The following PPP3CC variants were observed in gnomAD, a reference collection of about 807,000 sequenced individuals.
The protein encoded by PPP3CC is protein phosphatase 3 catalytic subunit gamma, also known as serine/threonine-protein phosphatase 2B catalytic subunit gamma isoform.
Under a neutral mutation model 60.3 loss-of-function variants are expected in PPP3CC, and 35 were observed. The observed-to-expected ratio is 0.58, with a 90% CI of 0.44 to 0.77. The LOEUF is 0.77. Among genes scored for constraint, PPP3CC ranks in the 30% least tolerant of loss-of-function variants. The pLI is 0.00. For missense variants in PPP3CC, 570 were observed against 628.9 expected (o/e 0.91, Z 1.00); for synonymous variants, 206 against 224.3 (o/e 0.92, Z 0.73).
intron 7 of PPP3CC, 21 bp downstream of exon 7, chr8:22,522,589 A>C (rs1839437306): frequency 3.1e-6 from 5 of 1,597,928 alleles, no homozygotes; most frequent in Admixed American, 1.7e-5. Flanking sequence ...TTAAAATTGT[A>C]CCAAATATCG....
rs554675855 is a variant in PPP3CC, at chr8:22,506,712, C to T, written c.485-4374C>T. On this transcript the variant is annotated intron_variant, in intron 4 of 13. Coordinates refer to ENST00000240139, the MANE Select transcript of PPP3CC (RefSeq NM_005605.5). ...ATCCCAGCACTTTGGGAGGCCGAGGCGGGCAGATCACAAGGCCAGGAGATT... is the reference window on the plus strand; with the variant it reads ...ATCCCAGCACTTTGGGAGGCCGAGGTGGGCAGATCACAAGGCCAGGAGATT... Among the ~76,000 whole-genome samples the T allele has an allele frequency of 7.0e-4, 105 of 150,046 alleles. 1 individual carries two copies. Among genetic ancestry groups the T allele is most frequent in the South Asian group, 1.1e-3 (5 of 4,714 alleles).
intron 3 of PPP3CC, among the ~76,000 whole-genome samples, chr8:22,496,763 C>CT (rs1320856274): frequency 2.6e-5 from 4 of 151,896 alleles, no homozygotes; most frequent in Non-Finnish European, 4.4e-5. Flanking sequence ...TCCCCAAGTG[C>CT]TAGTATTACA....
intron 6 of PPP3CC, among the ~76,000 whole-genome samples, chr8:22,518,501 TATAGCCTA>T (rs1839313603): frequency 6.6e-6 from 1 of 152,242 alleles, no homozygotes; most frequent in African/African-American, 2.4e-5. Flanking sequence ...TTTGTGATTA[TATAGCCTA>T]AAGAATATTC....
intron 3 of PPP3CC, among the ~76,000 whole-genome samples, chr8:22,493,557 T>A (rs1217925464): frequency 2.6e-5 from 4 of 152,138 alleles, no homozygotes; most frequent in Non-Finnish European, 4.4e-5. Flanking sequence ...CTTTTAAAAT[T>A]TTTTGGTAAG....
chr8:22,510,890 C>A, intron 4 of PPP3CC, 196 bp from the exon 5 acceptor site: 1 of 550,424 alleles, frequency 1.8e-6, no homozygotes, highest in Middle Eastern at 5.1e-4. Flanking sequence ...CAAGGTCACA[C>A]TTGTCTTTAA....
At chr8:22,480,974 G>A (rs185475252) in intron 3 of PPP3CC, among the ~76,000 whole-genome samples, 106 of 152,286 alleles carry the variant, frequency 7.0e-4, no homozygotes, top group Non-Finnish European at 1.2e-3. Flanking sequence ...TTTTGGGGAC[G>A]TTTGTCAAAG....
rs746249817 is a variant in PPP3CC at position 22,540,832 on chromosome 8, C to T, written c.*30C>T. 2.7e-6 allele frequency: 4 copies of T among 1,509,338 alleles called. No homozygotes were observed. In the African/African-American group the frequency reaches 4.2e-5, roughly 16 times the overall value. 93.5% of individuals were successfully genotyped at this position (1,509,338 alleles called of 1,614,324 possible). ...GAGTCCTGCCGTGGCTCAGGTGGAT[C>T]TAAAACTCAAGAACAAATTCTATTT... On this transcript the variant is annotated 3_prime_UTR_variant, in exon 14 of 14. Coordinates refer to ENST00000240139, the MANE Select transcript of PPP3CC (RefSeq NM_005605.5).
At chr8:22,525,017 G>A (rs1201225784) in intron 8 of PPP3CC, among the ~76,000 whole-genome samples, 1 of 152,090 alleles carries the variant, frequency 6.6e-6, no homozygotes, top group African/African-American at 2.4e-5. Flanking sequence ...CAGGCAAGGT[G>A]GAGCATGCCT....
chr8:22,536,190 A>C lies in PPP3CC; in HGVS notation c.1321+3172A>C, dbSNP rs1839841422. ...GTTTCACAGAAAGTATCAGTAAACT[A>C]TTTCCGATTGAATATTTTTCTCAAA... On this transcript the variant is annotated intron_variant, in intron 12 of 13. Transcript: ENST00000240139. Among the ~76,000 whole-genome samples the C allele has an allele frequency of 2.0e-5, 3 of 152,214 alleles. No homozygotes were observed. In the South Asian group the frequency reaches 6.2e-4, roughly 31 times the overall value.
chr8:22,452,807 C>A (rs1238776303), intron 1 of PPP3CC, among the ~76,000 whole-genome samples: 7 of 137,338 alleles, frequency 5.1e-5, no homozygotes, highest in Non-Finnish European at 1.7e-5. Flanking sequence ...GCTGCTGCCG[C>A]CATCGCTATC....
intron 3 of PPP3CC, among the ~76,000 whole-genome samples, chr8:22,491,036 G>C (rs1206452711): frequency 6.6e-6 from 1 of 152,160 alleles, no homozygotes; most frequent in Non-Finnish European, 1.5e-5. Context: ...TCTGCCTGCT[G>C]TATAGAATTT....
chr8:22,454,440 C>T (rs1362666222), intron 1 of PPP3CC, among the ~76,000 whole-genome samples: 5 of 151,928 alleles, frequency 3.3e-5, no homozygotes, highest in African/African-American at 1.2e-4. Context: ...TTACAGTTAC[C>T]TTTTTTTTGT....
intron 8 of PPP3CC, 47 bp from the exon 9 acceptor site, chr8:22,527,345 A>G: frequency 6.2e-7 from 1 of 1,602,572 alleles, no homozygotes; most frequent in Non-Finnish European, 8.5e-7. Context: ...ACCACTTGCC[A>G]TGCCATGTTC....
Position 22,475,549 on chromosome 8 carries a change from A to G in PPP3CC, c.297A>G (p.Glu99=), listed in dbSNP as rs138007212. The change falls in exon 3 of 14, where the codon GAA becomes GAG. Residue 99 remains glutamate (E), a synonymous_variant. Transcript: ENST00000240139. The part of the protein sequence containing the change: ...GQFFDLMKLF[E]VGGSPSNTRY... ...TCTTTGACCTAATGAAGTTATTTGA[A>G]GTTGGAGGATCACCTAGTAACACAC... 119 of 1,611,436 alleles carry G rather than the reference A, an allele frequency of 7.4e-5. No individual in the cohort carries two copies. The highest frequency in any genetic ancestry group is 9.3e-5 in the Non-Finnish European group (110 of 1,177,880).
chr8:22,514,248 CAAAAA>C (rs66505760), intron 6 of PPP3CC, among the ~76,000 whole-genome samples: 30 of 89,474 alleles, frequency 3.4e-4, no homozygotes, highest in South Asian at 7.2e-4. Flanking sequence ...ACTCTGTCTC[CAAAAA>C]AAAAAAAAAA....
chr8:22,469,969 T>C (rs1277943799), intron 1 of PPP3CC, among the ~76,000 whole-genome samples: 1 of 151,368 alleles, frequency 6.6e-6, no homozygotes, highest in Non-Finnish European at 1.5e-5. Flanking sequence ...AAGACATATA[T>C]ATATATATAT....
intron 1 of PPP3CC, among the ~76,000 whole-genome samples, chr8:22,446,878 A>G (rs1487813035): frequency 6.6e-6 from 1 of 150,822 alleles, no homozygotes; most frequent in African/African-American, 2.4e-5. Context: ...TTATTCATTT[A>G]ATTCCGGGAT....
At chr8:22,474,769 C>G (rs554212744) in intron 1 of PPP3CC, among the ~76,000 whole-genome samples, 185 bp from the exon 2 acceptor site, 2 of 152,100 alleles carry the variant, frequency 1.3e-5, no homozygotes, top group South Asian at 2.1e-4. Flanking sequence ...TGACTGTCAC[C>G]TTTTTATACT....
At chr8:22,505,071 G>T (rs1838874527) in intron 4 of PPP3CC, among the ~76,000 whole-genome samples, 1 of 137,246 alleles carries the variant, frequency 7.3e-6, no homozygotes, top group African/African-American at 2.8e-5. Context: ...TCGTCACCCA[G>T]GCTGGAGTGC....
Sources: gnomAD v4.1 joint callset for allele counts (sites outside exome capture counted in the v4.1 genomes callset) on GRCh38, gnomAD v4.1.1 for gene constraint, MANE v1.5 for transcripts, NCBI Gene and HGNC (gene_info 2026-07-23, HGNC 2026-07-21) for gene names.